Variants in SDHA observed in about 807,000 individuals in gnomAD.
SDHA encodes the protein succinate dehydrogenase complex flavoprotein subunit A.
Under a neutral mutation model 78.4 loss-of-function variants are expected in SDHA, and 48 were observed. The observed-to-expected ratio is 0.61, with a 90% confidence interval of 0.49 to 0.78. The LOEUF (loss-of-function observed/expected upper bound fraction) is 0.78, where lower values mean the gene tolerates loss of function less well. Ranked by LOEUF, SDHA falls within the 30% of genes least tolerant of loss-of-function variation. The pLI is 0.00. For missense variants in SDHA, 680 were observed against 892.7 expected (o/e 0.76, Z 3.04); for synonymous variants, 326 against 353.9 (o/e 0.92, Z 0.88).
Position 223,509 on chromosome 5 carries a change from C to T in SDHA, c.91C>T (p.Arg31Ter), listed in dbSNP as rs142441643. The change falls in exon 2 of 15, where the codon CGA (arginine) becomes TGA (stop). Residue 31 changes from arginine (R) to a stop codon, truncating the protein, a stop_gained. Coordinates refer to ENST00000264932, the MANE Select transcript of SDHA (RefSeq NM_004168.4). LOFTEE classifies it high-confidence loss of function. ...GCCAACAGTGTTGCAAACAGGAACC[C>T]GAGGTTTTCACTTCACTGTTGATGG... ...AWPTVLQTGT[R>*]GFHFTVDGNK... is the part of the protein sequence containing the mutation. 651 of 1,613,500 alleles carry T rather than the reference C, an allele frequency of 4.0e-4. No homozygotes were observed. Among genetic ancestry groups the T allele is most frequent in the Non-Finnish European group, 5.3e-4 (630 of 1,179,550 alleles).
intron 11 of SDHA, among the ~76,000 whole-genome samples, chr5:245,799 A>G (rs905826486): frequency 3.3e-5 from 5 of 152,148 alleles, no homozygotes; most frequent in African/African-American, 4.8e-5. Context: ...AACTGGATAC[A>G]CCCTGCTCTA....
chr5:219,185 C>T (rs1560981755), intron 1 of SDHA, among the ~76,000 whole-genome samples: 1 of 152,170 alleles, frequency 6.6e-6, no homozygotes, highest in Non-Finnish European at 1.5e-5. Context: ...ACGCCGGGAC[C>T]TGTGCTTGCC....
chr5:264,314 C>A, the SDHA span, among the ~76,000 whole-genome samples: 13 of 152,048 alleles, frequency 8.5e-5, no homozygotes, highest in Admixed American at 7.9e-4. Context: ...CTTGGATTGT[C>A]TTCTGCAGGT....
the SDHA span, among the ~76,000 whole-genome samples, chr5:267,368 T>C: frequency 3.7e-4 from 57 of 152,350 alleles, no homozygotes; most frequent in African/African-American, 1.3e-3. Context: ...GCAAATGTCA[T>C]GATGCAGCCA....
At chr5:223,389 G>C in intron 1 of SDHA, 93 bp from the exon 2 acceptor site, 1 of 928,554 alleles carries the variant, frequency 1.1e-6, no homozygotes, top group Non-Finnish European at 1.8e-6. Context: ...TACATAAGAA[G>C]GTGAACAGTT....
Position 240,341 on chromosome 5 carries a change from G to C in SDHA, c.1433-17G>C. On this transcript the variant is annotated splice_polypyrimidine_tract_variant and intron_variant, in intron 10 of 14. Coordinates refer to ENST00000264932, the MANE Select transcript of SDHA (RefSeq NM_004168.4). ...AACGGTTTTCAAAAGTTAAATTCTA[G>C]CTTTTTTTTGTTTTAGGAGATAAAG... 2.0e-6 allele frequency: 3 copies of C among 1,501,072 alleles called. No individual in the cohort carries two copies. The highest frequency in any genetic ancestry group is 1.1e-5 in the South Asian group (1 of 88,542). The allele number at this position is 1,501,072 out of a possible 1,614,324, so 93.0% of individuals were successfully genotyped here.
intron 11 of SDHA, chr5:250,748 T>G (rs1338313388): frequency 2.1e-6 from 1 of 466,984 alleles, no homozygotes; most frequent in Non-Finnish European, 4.0e-6. Context: ...TGTATCCTGC[T>G]GGAAAGGATG....
chr5:223,043 G>A (rs751322132), intron 1 of SDHA, among the ~76,000 whole-genome samples: 1 of 152,170 alleles, frequency 6.6e-6, no homozygotes, highest in Non-Finnish European at 1.5e-5. Flanking sequence ...CCTCCTGGAC[G>A]ATTGGAACTG....
intron 11 of SDHA, among the ~76,000 whole-genome samples, chr5:248,246 A>G (rs1227280266): frequency 2.0e-5 from 3 of 150,436 alleles, no homozygotes; most frequent in Non-Finnish European, 4.5e-5. Context: ...GATCCCGAGG[A>G]CCCCTCGGTT....
downstream of SDHA, among the ~76,000 whole-genome samples, chr5:257,470 C>T: frequency 1.4e-5 from 2 of 145,854 alleles, 1 homozygote; most frequent in Non-Finnish European, 3.0e-5. Context: ...CAGAGCATTA[C>T]TCTGTGAGCT....
At chr5:239,653 C>T (rs902828946) in intron 10 of SDHA, among the ~76,000 whole-genome samples, 6 of 152,134 alleles carry the variant, frequency 3.9e-5, no homozygotes, top group Middle Eastern at 3.2e-3. Flanking sequence ...CAGCCACCTT[C>T]CCCCCGCTGA....
chr5:258,579 C>T (rs1336734351), downstream of SDHA, among the ~76,000 whole-genome samples: 4 of 112,214 alleles, frequency 3.6e-5, no homozygotes, highest in South Asian at 2.8e-4. Flanking sequence ...CCGCCCCCCG[C>T]CAGAGCATTA....
Position 251,008 on chromosome 5 carries a change from C to G in SDHA, c.1568C>G (p.Ala523Gly), listed in dbSNP as rs1736785630. The G allele has an allele frequency of 6.2e-7, 1 of 1,611,962 alleles. No homozygotes were observed. The highest frequency in any genetic ancestry group is 8.5e-7 in the Non-Finnish European group (1 of 1,179,804). ...LSMQKSMQNH[A>G]AVFRVGSVLQ... Reference sequence around the variant, plus strand: ...GTGCCACAGTCAATGCAAAATCATGCTGCCGTGTTCCGTGTGGGAAGCGTG... The same window carrying G: ...GTGCCACAGTCAATGCAAAATCATGGTGCCGTGTTCCGTGTGGGAAGCGTG... Residue 523 changes from alanine (A) to glycine (G), a missense_variant, in exon 12 of 15, where the codon GCT becomes GGT. Physicochemically the swap from Ala to Gly is moderately conservative, Grantham distance 60. Transcript: ENST00000264932.
intron 11 of SDHA, among the ~76,000 whole-genome samples, chr5:244,251 A>G (rs56787734): frequency 0.23 from 35,398 of 150,714 alleles, 6,046 homozygotes; most frequent in African/African-American, 0.51. Context: ...GGGAACCCCC[A>G]CCAAAGGTCC....
At chr5:235,071 C>T in intron 8 of SDHA, 73 bp from the exon 9 acceptor site, 2 of 1,438,772 alleles carry the variant, frequency 1.4e-6, no homozygotes, top group Non-Finnish European at 2.0e-6. Context: ...TCACACACTT[C>T]CAAGATGACG....
chr5:223,963 G>A (rs1469248036), intron 2 of SDHA, among the ~76,000 whole-genome samples: 8 of 150,022 alleles, frequency 5.3e-5, no homozygotes, highest in African/African-American at 1.8e-4. Context: ...CCCCTCGGGT[G>A]TGGGTTGCTT....
intron 6 of SDHA, among the ~76,000 whole-genome samples, chr5:228,695 G>A (rs1172920246): frequency 6.6e-6 from 1 of 152,102 alleles, no homozygotes; most frequent in African/African-American, 2.4e-5. Context: ...TGATTCCTCG[G>A]GTGGGTAAGT....
chr5:258,962 G>C (rs1312802185), downstream of SDHA, among the ~76,000 whole-genome samples: 10 of 28,610 alleles, frequency 3.5e-4, no homozygotes, highest in South Asian at 1.4e-3. Context: ...CCTCCCGTCC[G>C]AGCATTACCG....
chr5:224,257 G>A (rs1734877513), intron 2 of SDHA, 103 bp from the exon 3 acceptor site: 3 of 1,247,150 alleles, frequency 2.4e-6, no homozygotes, highest in Non-Finnish European at 3.5e-6. Context: ...TGTGTGCCCA[G>A]CAGTTGCTCC....
Sources: gnomAD v4.1 joint callset for allele counts (sites outside exome capture counted in the v4.1 genomes callset) on GRCh38, gnomAD v4.1.1 for gene constraint, MANE v1.5 for transcripts, NCBI Gene and HGNC (gene_info 2026-07-23, HGNC 2026-07-21) for gene names.